KIF6: variants seen among roughly 807,000 people sequenced by gnomAD.
KIF6 encodes the protein kinesin-like protein KIF6.
In KIF6, 106 loss-of-function variants were observed where a neutral mutation model predicts 112.7. The ratio of observed to expected loss-of-function variants is 0.94; its 90% CI spans 0.80 to 1.11. The LOEUF (loss-of-function observed/expected upper bound fraction) is 1.11. KIF6 is among the 50% of genes least tolerant of loss of function. The pLI is 0.00. For synonymous variants in KIF6, 339 were observed against 339.9 expected (o/e 1.00, Z 0.03); for missense variants, 929 against 964.0 (o/e 0.96, Z 0.48).
chr6:39,561,299 A>C (rs1220112225), intron 10 of KIF6, among the ~76,000 whole-genome samples: 1 of 152,168 alleles, frequency 6.6e-6, no homozygotes, highest in Non-Finnish European at 1.5e-5. Flanking sequence ...TAAGTCATAA[A>C]GTGTTTTTCA....
At chr6:39,556,419 G>A (rs989890135) in intron 10 of KIF6, among the ~76,000 whole-genome samples, 5 of 152,068 alleles carry the variant, frequency 3.3e-5, no homozygotes, top group African/African-American at 9.7e-5. Context: ...AAATAGAAGA[G>A]GCCTCCTATC....
At chr6:39,718,846 C>T (rs192731688) in intron 2 of KIF6, among the ~76,000 whole-genome samples, 6 of 151,938 alleles carry the variant, frequency 3.9e-5, no homozygotes, top group Admixed American at 2.6e-4. Flanking sequence ...AGGTGAGGAC[C>T]GCCCCACTAG....
intron 6 of KIF6, among the ~76,000 whole-genome samples, chr6:39,607,844 A>G (rs1343940425): frequency 3.9e-5 from 6 of 152,228 alleles, no homozygotes; most frequent in African/African-American, 9.6e-5. Flanking sequence ...TATAACTAAC[A>G]TATCTTTCAA....
intron 12 of KIF6, among the ~76,000 whole-genome samples, chr6:39,540,957 C>T (rs974553061): frequency 2.6e-5 from 4 of 152,214 alleles, no homozygotes; most frequent in Non-Finnish European, 5.9e-5. Flanking sequence ...TCTGTGTTCA[C>T]GATGCCTAGA....
At chr6:39,481,969 G>A (rs766948283) in intron 13 of KIF6, among the ~76,000 whole-genome samples, 6 of 150,734 alleles carry the variant, frequency 4.0e-5, no homozygotes, top group East Asian at 2.0e-4. Flanking sequence ...CAATAAAACC[G>A]TTAGTTCCTT....
chr6:39,339,399 T>C (rs1449848489), intron 22 of KIF6, among the ~76,000 whole-genome samples: 5 of 152,016 alleles, frequency 3.3e-5, no homozygotes, highest in Admixed American at 2.6e-4. Context: ...GGCCTTGGAA[T>C]TTCCGCCTTT....
At chr6:39,723,943 C>T (rs948000165) in intron 1 of KIF6, among the ~76,000 whole-genome samples, 64 of 152,074 alleles carry the variant, frequency 4.2e-4, no homozygotes, top group African/African-American at 1.5e-3. Context: ...TACAGCTATG[C>T]CACTCCCCAG....
At chr6:39,527,088 G>A (rs1255908830) in intron 13 of KIF6, among the ~76,000 whole-genome samples, 1 of 152,186 alleles carries the variant, frequency 6.6e-6, no homozygotes, top group East Asian at 1.9e-4. Flanking sequence ...ATAGTAGTTT[G>A]TAAGCAGTTT....
chr6:39,655,687 A>C (rs1321338518), intron 3 of KIF6, among the ~76,000 whole-genome samples: 2 of 152,144 alleles, frequency 1.3e-5, no homozygotes, highest in Non-Finnish European at 2.9e-5. Flanking sequence ...TCCCTGATAC[A>C]TTTTAAATGC....
chr6:39,693,064 C>T (rs189416785), intron 3 of KIF6, among the ~76,000 whole-genome samples: 8 of 152,310 alleles, frequency 5.3e-5, no homozygotes, highest in African/African-American at 1.4e-4. Flanking sequence ...ATGGAACTGG[C>T]GTACAGCTGC....
At chr6:39,617,885 C>A (rs953560318) in intron 5 of KIF6, 64 of 336,218 alleles carry the variant, frequency 1.9e-4, no homozygotes, top group African/African-American at 9.8e-4. Flanking sequence ...CAACACAAGT[C>A]ACTTAAATAA....
intron 5 of KIF6, among the ~76,000 whole-genome samples, chr6:39,620,050 C>T (rs1359300713): frequency 6.6e-6 from 1 of 152,132 alleles, no homozygotes; most frequent in Non-Finnish European, 1.5e-5. Context: ...CAGACATCAT[C>T]ATTTGCATGC....
At chr6:39,501,186 G>A (rs1465689319) in intron 13 of KIF6, among the ~76,000 whole-genome samples, 3 of 152,092 alleles carry the variant, frequency 2.0e-5, no homozygotes, top group Admixed American at 2.0e-4. Flanking sequence ...CTCCAGGTAT[G>A]GGAAGAACTG....
At position 39,680,117 on chromosome 6, in the gene KIF6, C is replaced by T. The variant is rs1284699454; in HGVS notation, c.251+34575G>A. Reference sequence around the variant, plus strand: ...TCCACTTCCCGGGTTGAGCAATTCTCATGCCTCAGCCTCCCAAGTAGCTGG... The same window carrying T: ...TCCACTTCCCGGGTTGAGCAATTCTTATGCCTCAGCCTCCCAAGTAGCTGG... On this transcript the variant is annotated intron_variant, in intron 3 of 22. Coordinates refer to ENST00000287152, the MANE Select transcript of KIF6 (RefSeq NM_145027.6). Among the ~76,000 whole-genome samples the T allele has an allele frequency of 7.9e-5, 12 of 152,182 alleles. No individual in the cohort carries two copies. The South Asian group carries it at 2.3e-3, about 29-fold the overall frequency.
At chr6:39,623,854 G>A (rs908176198) in intron 5 of KIF6, among the ~76,000 whole-genome samples, 3 of 152,062 alleles carry the variant, frequency 2.0e-5, no homozygotes, top group Admixed American at 1.3e-4. Context: ...GCCATCTGAC[G>A]TAATCTCTTC....
At chr6:39,620,162 G>A in intron 5 of KIF6, among the ~76,000 whole-genome samples, 1 of 152,166 alleles carries the variant, frequency 6.6e-6, no homozygotes, top group East Asian at 1.9e-4. Context: ...TGTTCCTTCT[G>A]ATGCTCCAGG....
intron 13 of KIF6, among the ~76,000 whole-genome samples, chr6:39,450,500 G>A (rs939985228): frequency 1.3e-5 from 2 of 152,160 alleles, no homozygotes; most frequent in Admixed American, 1.3e-4. Flanking sequence ...TGGGGTAACA[G>A]AATGATGTAA....
chr6:39,638,106 G>C (rs1480951961), intron 4 of KIF6, among the ~76,000 whole-genome samples: 1 of 151,918 alleles, frequency 6.6e-6, no homozygotes, highest in Non-Finnish European at 1.5e-5. Context: ...GAGTTTCAAG[G>C]GTTCTCTGAA....
intron 3 of KIF6, among the ~76,000 whole-genome samples, chr6:39,680,798 A>G (rs886136078): frequency 6.6e-6 from 1 of 152,240 alleles, no homozygotes; most frequent in South Asian, 2.1e-4. Flanking sequence ...TGGTGCTACC[A>G]TTCCATAAAC....
Sources: allele counts gnomAD v4.1 joint callset (sites outside exome capture counted in the v4.1 genomes callset), GRCh38; gene constraint gnomAD v4.1.1; transcripts MANE v1.5; gene names NCBI Gene and HGNC (gene_info 2026-07-23, HGNC 2026-07-21).